SRP72: variants seen among roughly 807,000 people sequenced by gnomAD.
The protein encoded by SRP72 is signal recognition particle subunit SRP72.
Under a neutral mutation model 96.3 loss-of-function variants are expected in SRP72, and 49 were observed. The ratio of observed to expected loss-of-function variants is 0.51; its 90% confidence interval spans 0.40 to 0.65. The LOEUF (loss-of-function observed/expected upper bound fraction) is 0.65. SRP72 is among the 30% of genes least tolerant of loss of function. The pLI, the probability that SRP72 is intolerant of heterozygous loss-of-function variation, is 0.00. For missense variants in SRP72, 736 were observed against 793.3 expected (o/e 0.93, Z 0.87); for synonymous variants, 267 against 275.2 (o/e 0.97, Z 0.30).
intron 5 of SRP72, chr4:56,474,634 C>T: frequency 1.9e-6 from 1 of 535,846 alleles, no homozygotes; most frequent in Non-Finnish European, 3.3e-6. Context: ...ACCTCTGTCT[C>T]CCGAGTTCAA....
At chr4:56,494,559 A>G (rs1414141700) in intron 16 of SRP72, among the ~76,000 whole-genome samples, 1 of 151,960 alleles carries the variant, frequency 6.6e-6, no homozygotes, top group East Asian at 1.9e-4. Context: ...ACGCACTGCC[A>G]CACCCAACTA....
chr4:56,475,561 CAAAAAAAAAA>C (rs1180420128), intron 5 of SRP72: 12 of 103,306 alleles, frequency 1.2e-4, no homozygotes, highest in Admixed American at 4.9e-4. Flanking sequence ...GACGCTGTCT[CAAAAAAAAAA>C]AAAAAAAAGA....
At chr4:56,468,686 A>T (rs1239295011) in intron 1 of SRP72, among the ~76,000 whole-genome samples, 1 of 152,210 alleles carries the variant, frequency 6.6e-6, no homozygotes, top group Admixed American at 6.5e-5. Context: ...AAAAGTAGTG[A>T]TTGTGCCCAC....
chr4:56,477,260 T>C (rs1452540458), intron 6 of SRP72: 2 of 151,336 alleles, frequency 1.3e-5, no homozygotes, highest in African/African-American at 4.9e-5. Context: ...TACATTGAAA[T>C]ATGTCTCTTT....
chr4:56,468,914 T>A (rs1296575804), intron 1 of SRP72, among the ~76,000 whole-genome samples: 1 of 152,206 alleles, frequency 6.6e-6, no homozygotes, highest in Non-Finnish European at 1.5e-5. Context: ...AGAATTGGAC[T>A]TCTGTAGTTG....
chr4:56,469,752 C>A lies in SRP72; in HGVS notation c.209C>A (p.Thr70Asn). ...SFKEALNVIN[T>N]HTKVLANNSL... ...AAGGAAGCTTTGAATGTCATCAATA[C>A]TCACACCAAAGTGTTAGCCAAGTAA... Residue 70 changes from threonine to asparagine, a missense_variant, in exon 2 of 19, where the codon ACT (threonine) becomes AAT (asparagine). This residue lies in a region of SRP72 where 329 missense variants were observed against 319.0 expected (regional missense o/e 1.03). Transcript: ENST00000642900. The A allele has an allele frequency of 6.2e-7, 1 of 1,610,622 alleles. No individual in the cohort carries two copies. The highest frequency in any genetic ancestry group is 1.1e-5 in the South Asian group (1 of 90,844).
At chr4:56,476,932 A>G (rs986843956) in intron 6 of SRP72, 17 of 476,918 alleles carry the variant, frequency 3.6e-5, no homozygotes, top group East Asian at 1.1e-4. Context: ...ATACATTTAT[A>G]TAATGTAAAT....
rs186302041 is a variant in SRP72, at chr4:56,499,126, A to T, written c.1679-1410A>T. Among the ~76,000 whole-genome samples, 54 of 152,300 alleles carry T rather than the reference A, an allele frequency of 3.5e-4. No individual in the cohort carries two copies. In the East Asian group the frequency reaches 0.01, roughly 28 times the overall value. Reference sequence around the variant, plus strand: ...GAAATAACACCACACATCTACAACCATCTGATCTTTGACAAACCTGACAAA... The same window carrying T: ...GAAATAACACCACACATCTACAACCTTCTGATCTTTGACAAACCTGACAAA... On this transcript the variant is annotated intron_variant, in intron 17 of 18. Coordinates refer to ENST00000642900, the MANE Select transcript of SRP72 (RefSeq NM_006947.4).
intron 16 of SRP72, among the ~76,000 whole-genome samples, chr4:56,494,530 A>G (rs1008314588): frequency 1.3e-5 from 2 of 151,674 alleles, no homozygotes; most frequent in South Asian, 4.2e-4. Context: ...CAGCCTCCCA[A>G]GTAGCTGAGA....
intron 18 of SRP72, among the ~76,000 whole-genome samples, chr4:56,501,028 T>G (rs890860920): frequency 2.0e-5 from 3 of 152,104 alleles, no homozygotes; most frequent in Non-Finnish European, 4.4e-5. Context: ...AATATCTAGA[T>G]AAACAGATGT....
Position 56,486,405 on chromosome 4 carries a change from G to T in SRP72, c.1159+8G>T. 1.3e-6 allele frequency: 2 copies of T among 1,581,518 alleles called. No homozygotes were observed. The highest frequency in any genetic ancestry group is 4.5e-5 in the East Asian group (2 of 44,196). On this transcript the variant is annotated splice_region_variant and intron_variant, in intron 11 of 18. Coordinates refer to ENST00000642900, the MANE Select transcript of SRP72 (RefSeq NM_006947.4). ...AGTTGAAAATTTCTCAAGGTATTATGGTTTTCATCATGATTAAAATATTTT... is the reference window on the plus strand; with the variant it reads ...AGTTGAAAATTTCTCAAGGTATTATTGTTTTCATCATGATTAAAATATTTT...
chr4:56,491,842 T>G (rs1276924689), intron 16 of SRP72, among the ~76,000 whole-genome samples: 2 of 152,132 alleles, frequency 1.3e-5, no homozygotes, highest in East Asian at 3.9e-4. Flanking sequence ...TAAATTGGTT[T>G]ATTTATTACT....
intron 16 of SRP72, among the ~76,000 whole-genome samples, chr4:56,493,591 G>A (rs1176090999): frequency 6.6e-6 from 1 of 152,088 alleles, no homozygotes; most frequent in South Asian, 2.1e-4. Flanking sequence ...CCCTGACATG[G>A]TGGTGGCTCA....
chr4:56,479,203 C>T (rs944592967), intron 8 of SRP72, among the ~76,000 whole-genome samples: 5 of 151,698 alleles, frequency 3.3e-5, no homozygotes, highest in African/African-American at 9.7e-5. Context: ...TTTTTGAGAC[C>T]GAGTCTCGCT....
chr4:56,483,051 T>C (rs1008218453), intron 8 of SRP72, 88 bp from the exon 9 acceptor site: 3 of 1,253,882 alleles, frequency 2.4e-6, no homozygotes, highest in Admixed American at 2.4e-5. Context: ...ATTCAAGCTC[T>C]CCTGCTGTAT....
intron 2 of SRP72, among the ~76,000 whole-genome samples, chr4:56,470,818 T>C (rs1719943548): frequency 1.3e-5 from 2 of 151,498 alleles, no homozygotes; most frequent in Admixed American, 1.3e-4. Context: ...TCAATGAGTC[T>C]TGGATAAAAG....
At chr4:56,498,671 A>G (rs1721160305) in intron 17 of SRP72, among the ~76,000 whole-genome samples, 3 of 152,340 alleles carry the variant, frequency 2.0e-5, no homozygotes, top group South Asian at 2.1e-4. Flanking sequence ...CCCGTTCACA[A>G]TTGCTACAAA....
At chr4:56,483,016 T>C in intron 8 of SRP72, 123 bp from the exon 9 acceptor site, 1 of 799,410 alleles carries the variant, frequency 1.3e-6, no homozygotes, top group African/African-American at 1.8e-5. Flanking sequence ...TCTTATTAGC[T>C]TAGGCACCCC....
At chr4:56,474,534 TTCTC>T (rs1445325388) in intron 5 of SRP72, 143 bp downstream of exon 5, 7 of 755,864 alleles carry the variant, frequency 9.3e-6, no homozygotes, top group Admixed American at 5.9e-5. Context: ...CCTGTCGTCT[TTCTC>T]TCTCTTTTTT....
Sources: allele counts gnomAD v4.1 joint callset (sites outside exome capture counted in the v4.1 genomes callset), GRCh38; gene constraint gnomAD v4.1.1; regional missense constraint gnomAD v4.1.1; transcripts MANE v1.5; gene names NCBI Gene and HGNC (gene_info 2026-07-23, HGNC 2026-07-21).